Variants in HEATR5A observed in about 807,000 individuals in gnomAD.
HEATR5A encodes the protein HEAT repeat containing 5A.
Under a neutral mutation model 218.8 loss-of-function variants are expected in HEATR5A, and 178 were observed. The observed-to-expected ratio is 0.81, with a 90% CI of 0.72 to 0.92. The LOEUF is 0.92. Ranked by LOEUF, HEATR5A falls within the 40% of genes least tolerant of loss-of-function variation. The probability of loss-of-function intolerance (pLI) is 0.00; values close to 1 mark genes in which losing one functional copy is unlikely to be tolerated. For missense variants in HEATR5A, 2,420 were observed against 2,418.9 expected (o/e 1.00, Z -0.01); for synonymous variants, 864 against 871.6 (o/e 0.99, Z 0.15).
rs2030831431 is a variant in HEATR5A at position 31,400,521 on chromosome 14, A to G, written c.127-9T>C. On this transcript the variant is annotated splice_polypyrimidine_tract_variant and intron_variant, in intron 2 of 35. Coordinates refer to ENST00000543095, the MANE Select transcript of HEATR5A (RefSeq NM_015473.4). ...TTCTCCCTTACATCATTCTAGAAAG[A>G]AAGATAACACAAAGACAATTCAAAG... The G allele has an allele frequency of 2.7e-6, 4 of 1,500,896 alleles. No individual in the cohort carries two copies. The highest frequency in any genetic ancestry group is 3.6e-6 in the Non-Finnish European group (4 of 1,117,986). The allele number at this position is 1,500,896 out of a possible 1,614,324, so 93.0% of individuals were successfully genotyped here.
intron 25 of HEATR5A, among the ~76,000 whole-genome samples, chr14:31,319,673 A>G (rs377503802): frequency 7.9e-5 from 12 of 152,182 alleles, no homozygotes; most frequent in African/African-American, 2.9e-4. Flanking sequence ...TGATTTTGTT[A>G]TCTTCCTTGT....
chr14:31,296,152 G>C, intron 33 of HEATR5A, 89 bp from the exon 34 acceptor site: 1 of 1,044,574 alleles, frequency 9.6e-7, no homozygotes, highest in East Asian at 2.5e-5. Flanking sequence ...GTAACAGTTT[G>C]GTGTACACAA....
In HEATR5A at chr14:31,340,902, C is replaced by T. The variant is rs73259308; in HGVS notation, c.3228+2994G>A. Among the ~76,000 whole-genome samples the T allele has an allele frequency of 9.7e-3, 1,481 of 152,216 alleles. 23 individuals carry two copies. Among genetic ancestry groups the T allele is most frequent in the African/African-American group, 0.034 (1,406 of 41,528 alleles). ...TTAATTATAGTTTAACTCTTAGAAG[C>T]CAAGTTTTAAAACTAAGAGTATTCA... On this transcript the variant is annotated intron_variant, in intron 21 of 35. Transcript: ENST00000543095.
chr14:31,380,449 C>T lies in HEATR5A; in HGVS notation c.1708+18G>A. On this transcript the variant is annotated intron_variant, in intron 11 of 35. Transcript: ENST00000543095. ...CACAAAGTATTTCAAGGTATGTAAA[C>T]CTTCTACAGACTGTTACCTAATGTC... 6.7e-7 allele frequency: 1 copy of T among 1,501,152 alleles called. No homozygotes were observed. The allele number at this position is 1,501,152 out of a possible 1,614,324, so 93.0% of individuals were successfully genotyped here. A position where few individuals can be genotyped will look rare whatever the true frequency, so the allele number is the denominator to read the frequency against.
At chr14:31,327,044 G>A (rs376757145) in intron 22 of HEATR5A, among the ~76,000 whole-genome samples, 10 of 151,482 alleles carry the variant, frequency 6.6e-5, no homozygotes, top group African/African-American at 7.3e-5. Flanking sequence ...GTGCAATCTC[G>A]GCTCACTGCA....
intron 21 of HEATR5A, among the ~76,000 whole-genome samples, chr14:31,341,576 T>A (rs1900841369): frequency 6.6e-6 from 1 of 152,068 alleles, no homozygotes; most frequent in Admixed American, 6.6e-5. Flanking sequence ...TCTTAAAATT[T>A]TTTGTAGAGA....
rs1472778352 is a variant in HEATR5A at position 31,349,940 on chromosome 14, T to C, written c.2557A>G (p.Met853Val). Residue 853 changes from methionine (M) to valine (V), a missense_variant, in exon 18 of 36, where the codon ATG becomes GTG. Transcript: ENST00000543095. Reference sequence around the variant, plus strand: ...ACTAATGTTAAGGCAAATCTTTTCATTTCTTCTGGACCTAAACATCCCTTG... The same window carrying C: ...ACTAATGTTAAGGCAAATCTTTTCACTTCTTCTGGACCTAAACATCCCTTG... ...GSKGCLGPEE[M>V]KRFALTLVMG... The C allele has an allele frequency of 1.9e-6, 3 of 1,605,656 alleles. No individual in the cohort carries two copies. The highest frequency in any genetic ancestry group is 2.2e-5 in the South Asian group (2 of 89,684).
intron 1 of HEATR5A, among the ~76,000 whole-genome samples, chr14:31,417,685 G>C (rs2031499214): frequency 6.6e-6 from 1 of 151,930 alleles, no homozygotes; most frequent in African/African-American, 2.4e-5. Context: ...AGGAGGCGCA[G>C]GTTGCAGTGA....
chr14:31,322,817 T>TA (rs376742735), intron 24 of HEATR5A, among the ~76,000 whole-genome samples: 40,776 of 100,818 alleles, frequency 0.4, 7,385 homozygotes, highest in Middle Eastern at 0.52. Flanking sequence ...AAATGCTGTC[T>TA]AAAAAAAAAA....
chr14:31,363,961 G>A (rs530814479), intron 14 of HEATR5A, among the ~76,000 whole-genome samples: 17 of 152,146 alleles, frequency 1.1e-4, no homozygotes, highest in Non-Finnish European at 2.1e-4. Context: ...GTAAGAGAGT[G>A]AGACCCTGTC....
chr14:31,333,895 T>C (rs1900560607), intron 22 of HEATR5A, among the ~76,000 whole-genome samples: 1 of 150,942 alleles, frequency 6.6e-6, no homozygotes. Flanking sequence ...AAAATTTAGC[T>C]GGGTGTGGTG....
intron 16 of HEATR5A, among the ~76,000 whole-genome samples, chr14:31,357,479 T>G (rs1901463945): frequency 6.6e-6 from 1 of 152,084 alleles, no homozygotes; most frequent in African/African-American, 2.4e-5. Flanking sequence ...TGACAGTGAT[T>G]TGTAAACTAT....
intron 13 of HEATR5A, among the ~76,000 whole-genome samples, chr14:31,366,304 G>A (rs558995854): frequency 3.3e-5 from 5 of 152,098 alleles, no homozygotes; most frequent in Non-Finnish European, 5.9e-5. Context: ...TGTTTCAGTA[G>A]AATTTTTTAG....
intron 1 of HEATR5A, among the ~76,000 whole-genome samples, chr14:31,419,045 A>T (rs1458138466): frequency 6.6e-6 from 1 of 152,206 alleles, no homozygotes; most frequent in East Asian, 1.9e-4. Flanking sequence ...GACTAAAGTC[A>T]GATACAATAA....
intron 32 of HEATR5A, among the ~76,000 whole-genome samples, chr14:31,303,856 C>T (rs954433081): frequency 1.3e-5 from 2 of 151,962 alleles, no homozygotes; most frequent in African/African-American, 2.4e-5. Flanking sequence ...AAAGAAGGAA[C>T]TGAAAAAAGG....
rs768483181 is a variant in HEATR5A, at chr14:31,321,474, A to C, written c.3969+25T>G. ...CTTTTTATCTGTGTGTTTAATAATA[A>C]AATTCTCTAAAAGAAAGTGCTTACA... On this transcript the variant is annotated intron_variant, in intron 25 of 35. Transcript: ENST00000543095. 7 of 1,530,342 alleles carry C rather than the reference A, an allele frequency of 4.6e-6. No homozygotes were observed. In the East Asian group the frequency reaches 1.7e-4, roughly 36 times the overall value. 94.8% of individuals were successfully genotyped at this position (1,530,342 alleles called of 1,614,324 possible).
At chr14:31,408,927 TAAAAA>T in intron 1 of HEATR5A, among the ~76,000 whole-genome samples, 1 of 66,558 alleles carries the variant, frequency 1.5e-5, no homozygotes, top group Non-Finnish European at 3.0e-5. Context: ...CCGTCTCTAC[TAAAAA>T]TACAAAAAAT....
intron 14 of HEATR5A, among the ~76,000 whole-genome samples, chr14:31,361,101 T>C (rs776958260): frequency 2.6e-5 from 4 of 152,206 alleles, no homozygotes; most frequent in Non-Finnish European, 5.9e-5. Flanking sequence ...CCAGAGATCA[T>C]ATGATGATCA....
At chr14:31,293,870 G>T in intron 35 of HEATR5A, 21 bp downstream of exon 35, 1 of 1,556,516 alleles carries the variant, frequency 6.4e-7, no homozygotes, top group Non-Finnish European at 8.8e-7. Flanking sequence ...GACTGAGTAT[G>T]AATTTAGTGC....
Sources: gnomAD v4.1 joint callset for allele counts (sites outside exome capture counted in the v4.1 genomes callset) on GRCh38, gnomAD v4.1.1 for gene constraint, MANE v1.5 for transcripts, NCBI Gene and HGNC (gene_info 2026-07-23, HGNC 2026-07-21) for gene names.